The following FGFR2 variants were observed in gnomAD, a reference collection of about 807,000 sequenced individuals.
FGFR2 encodes fibroblast growth factor receptor 2.
FGFR2 carries 19 observed loss-of-function variants against 95.9 expected under a neutral mutation model. The ratio of observed to expected loss-of-function variants is 0.20; its 90% CI spans 0.14 to 0.29. The LOEUF (loss-of-function observed/expected upper bound fraction) is 0.29. Among genes scored for constraint, FGFR2 ranks in the 10% least tolerant of loss-of-function variants. FGFR2 has a pLI of 1.00. For synonymous variants in FGFR2, 392 were observed against 393.3 expected (o/e 1.00, Z 0.04); for missense variants, 707 against 1,056.9 (o/e 0.67, Z 4.59).
At chr10:121,575,796 C>T (rs544169428) in intron 2 of FGFR2, among the ~76,000 whole-genome samples, 1 of 151,824 alleles carries the variant, frequency 6.6e-6, no homozygotes, top group South Asian at 2.1e-4. Context: ...GCAGAGGTTG[C>T]AGTGAGCCGA....
rs1466576334 is a variant in FGFR2, at chr10:121,593,740, A to C, written c.78T>G (p.Ser26Arg). The C allele has an allele frequency of 6.2e-7, 1 of 1,614,016 alleles. No individual in the cohort carries two copies. Among genetic ancestry groups the C allele is most frequent in the Non-Finnish European group, 8.5e-7 (1 of 1,180,024 alleles). The stretch of plus-strand genomic sequence containing the variant: ...GCTCTAATGTGGTATCCTCAACTAA[A>C]CTGAAGGAGGGCCGGGCCAGGGACA... ...ATLSLARPSF[S>R]LVEDTTLEPE... is the part of the protein sequence containing the mutation. The change falls in exon 2 of 18, where the codon AGT becomes AGG. Residue 26 changes from serine (S) to arginine (R), a missense_variant. This residue lies in a region of FGFR2 where 178 missense variants were observed against 194.1 expected (regional missense o/e 0.92). Transcript: ENST00000358487.
intron 10 of FGFR2, among the ~76,000 whole-genome samples, chr10:121,503,477 A>G (rs1230844473): frequency 6.6e-6 from 1 of 152,208 alleles, no homozygotes; most frequent in Non-Finnish European, 1.5e-5. Context: ...CTGTTTTATA[A>G]ATTGGATAAT....
At chr10:121,512,562 G>C (rs1265520801) in intron 9 of FGFR2, among the ~76,000 whole-genome samples, 1 of 151,692 alleles carries the variant, frequency 6.6e-6, no homozygotes, top group African/African-American at 2.4e-5. Context: ...GTTTTGTTTT[G>C]TTTTGTTTTG....
intron 6 of FGFR2, among the ~76,000 whole-genome samples, chr10:121,530,911 GCTTT>G (rs953155215): frequency 3.9e-5 from 6 of 152,190 alleles, no homozygotes; most frequent in African/African-American, 1.4e-4. Flanking sequence ...GACAGAAGCA[GCTTT>G]CTCTCTGCCC....
chr10:121,567,338 G>A (rs189339856), intron 2 of FGFR2, among the ~76,000 whole-genome samples: 2 of 152,312 alleles, frequency 1.3e-5, no homozygotes, highest in Admixed American at 1.3e-4. Context: ...TGAACACAAA[G>A]AGAGAATCAC....
At position 121,597,968 on chromosome 10, in the gene FGFR2, T is replaced by C. The variant is rs41258305; in HGVS notation, c.-157A>G. On this transcript the variant is annotated 5_prime_UTR_variant, in exon 1 of 18. Coordinates refer to ENST00000358487, the MANE Select transcript of FGFR2 (RefSeq NM_000141.5). ...CGTCTTGCGCGGCGATTACCTTGAA[T>C]GGCAACGCTCCTCCGCGACCTGTGT... 0.097 allele frequency: 38,171 copies of C among 392,998 alleles called. 2,977 individuals are homozygous for C. Among genetic ancestry groups the C allele is most frequent in the African/African-American group, 0.29 (14,236 of 48,566 alleles). 24.3% of individuals were successfully genotyped at this position (392,998 alleles called of 1,614,324 possible).
Position 121,564,569 on chromosome 10 carries a change from T to C in FGFR2, c.387A>G (p.Ser129=). The C allele has an allele frequency of 6.2e-7, 1 of 1,613,792 alleles. No homozygotes were observed. Among genetic ancestry groups the C allele is most frequent in the South Asian group, 1.1e-5 (1 of 91,078 alleles). The change falls in exon 4 of 18, where the codon TCA becomes TCG. Residue 129 remains serine (S), a synonymous_variant. Coordinates refer to ENST00000358487, the MANE Select transcript of FGFR2 (RefSeq NM_000141.5). The part of the protein sequence containing the change: ...YFMVNVTDAI[S]SGDDEDDTDG... ...CGGTGTCATCCTCATCATCTCCGGA[T>C]GAGATGGCATCTGTATGCAAAAGAA...
intron 6 of FGFR2, among the ~76,000 whole-genome samples, chr10:121,533,942 C>CAGA (rs1432010181): frequency 2.0e-5 from 3 of 152,096 alleles, no homozygotes; most frequent in Non-Finnish European, 4.4e-5. Context: ...CCATGAACTT[C>CAGA]AAGTCCTCAA....
intron 4 of FGFR2, among the ~76,000 whole-genome samples, chr10:121,554,399 C>T (rs77421447): frequency 6.6e-6 from 1 of 150,432 alleles, no homozygotes; most frequent in East Asian, 2.0e-4. Flanking sequence ...AGTGCAGTGG[C>T]GCGATCTTGG....
chr10:121,501,610 T>C (rs1202824970), intron 10 of FGFR2, among the ~76,000 whole-genome samples: 1 of 152,228 alleles, frequency 6.6e-6, no homozygotes, highest in African/African-American at 2.4e-5. Flanking sequence ...AGCCATATAT[T>C]GTCCTTGTGC....
chr10:121,538,235 T>A, intron 6 of FGFR2: 1 of 647,524 alleles, frequency 1.5e-6, no homozygotes, highest in Admixed American at 2.6e-5. Flanking sequence ...AAATGATGCT[T>A]CTCTTTTAAA....
Position 121,485,588 on chromosome 10 carries a change from A to G in FGFR2, c.2058-56T>C. ...TAACCCATCCACGTTGCCAAAACCT[A>G]AACACGCCCAGCTGAGACATAAACA... On this transcript the variant is annotated intron_variant, in intron 15 of 17. Transcript: ENST00000358487. The surrounding 1 kb of genome is among the most constrained non-coding windows in gnomAD (Gnocchi z 4.2). 28 of 1,612,838 alleles carry G rather than the reference A, an allele frequency of 1.7e-5. No homozygotes were observed. Among genetic ancestry groups the G allele is most frequent in the Non-Finnish European group, 2.3e-5 (27 of 1,179,322 alleles).
Position 121,481,780 on chromosome 10 carries a change from A to G in FGFR2, c.2302-1759T>C, listed in dbSNP as rs1214026867. 4 of 224,914 alleles carry G rather than the reference A, an allele frequency of 1.8e-5. No homozygotes were observed. In the East Asian group the frequency reaches 2.7e-4, roughly 15 times the overall value. The allele number at this position is 224,914 out of a possible 1,614,324, so 13.9% of individuals were successfully genotyped here. ...TATAAATAAATCACTTTGAGCATAG[A>G]CATGAGATCATTAAAATAGAACTTT... On this transcript the variant is annotated intron_variant, in intron 17 of 17. Coordinates refer to ENST00000358487, the MANE Select transcript of FGFR2 (RefSeq NM_000141.5).
intron 13 of FGFR2, among the ~76,000 whole-genome samples, chr10:121,490,244 A>G (rs1047040304): frequency 1.4e-5 from 2 of 139,488 alleles, no homozygotes; most frequent in Non-Finnish European, 3.0e-5. Context: ...GCTCAATGCA[A>G]CCTCTGCCTC....
At chr10:121,597,154 C>G (rs1374339202) in intron 1 of FGFR2, among the ~76,000 whole-genome samples, 2 of 152,200 alleles carry the variant, frequency 1.3e-5, no homozygotes, top group African/African-American at 2.4e-5. Flanking sequence ...TGGTGGTCCC[C>G]GAGCGGGCCT....
rs1320997484 is a variant in FGFR2, at chr10:121,478,738, T to G, written c.*1119A>C. 4.3e-6 allele frequency: 1 copy of G among 233,526 alleles called. No homozygotes were observed. The highest frequency in any genetic ancestry group is 8.5e-6 in the Non-Finnish European group (1 of 118,020). 14.5% of individuals were successfully genotyped at this position (233,526 alleles called of 1,614,324 possible). A position where few individuals can be genotyped will look rare whatever the true frequency, so the allele number is the denominator to read the frequency against. ...CAGGCGTCTCCAACGCCAAAGAGTC[T>G]GGAAGCCATTATCAAAATTCACTGA... On this transcript the variant is annotated 3_prime_UTR_variant, in exon 18 of 18. Transcript: ENST00000358487.
chr10:121,513,242 T>G (rs994132476), intron 9 of FGFR2, among the ~76,000 whole-genome samples: 3 of 152,222 alleles, frequency 2.0e-5, no homozygotes, highest in Non-Finnish European at 2.9e-5. Context: ...TTACTTAATT[T>G]AGAACATTCT....
intron 17 of FGFR2, among the ~76,000 whole-genome samples, chr10:121,483,387 T>C (rs557517624): frequency 1.2e-4 from 18 of 152,306 alleles, no homozygotes; most frequent in Admixed American, 7.2e-4. Flanking sequence ...CACACCAAAA[T>C]GCAAGTGAAT....
intron 9 of FGFR2, among the ~76,000 whole-genome samples, chr10:121,507,888 T>C (rs1341227023): frequency 6.6e-6 from 1 of 152,174 alleles, no homozygotes; most frequent in Non-Finnish European, 1.5e-5. Flanking sequence ...CATTCATGGT[T>C]TCAACCAATC....
Sources: allele counts gnomAD v4.1 joint callset (sites outside exome capture counted in the v4.1 genomes callset), GRCh38; gene constraint gnomAD v4.1.1; regional missense constraint gnomAD v4.1.1; non-coding constraint Gnocchi (gnomAD v3.1); transcripts MANE v1.5; gene names NCBI Gene and HGNC (gene_info 2026-07-23, HGNC 2026-07-21).